The following RBMS3 variants were observed in gnomAD, a reference collection of about 807,000 sequenced individuals.
The protein encoded by RBMS3 is RNA-binding motif, single-stranded-interacting protein 3.
Under a neutral mutation model 66.8 loss-of-function variants are expected in RBMS3, and 27 were observed. The observed-to-expected ratio is 0.40, with a 90% CI of 0.30 to 0.56. The LOEUF is 0.56. Among genes scored for constraint, RBMS3 ranks in the 20% least tolerant of loss-of-function variants. The probability of loss-of-function intolerance (pLI) is 0.40; values close to 1 mark genes in which losing one functional copy is unlikely to be tolerated. For synonymous variants in RBMS3, 188 were observed against 183.0 expected (o/e 1.03, Z -0.22); for missense variants, 513 against 549.5 (o/e 0.93, Z 0.66).
At chr3:29,896,008 T>G (rs2149600709) in intron 8 of RBMS3, among the ~76,000 whole-genome samples, 1 of 151,536 alleles carries the variant, frequency 6.6e-6, no homozygotes, top group Non-Finnish European at 1.5e-5. Flanking sequence ...GTCTGGTGAG[T>G]ATGGATAGTA....
chr3:29,483,309 C>CAAAAAAAAAA (rs72225547), intron 2 of RBMS3, among the ~76,000 whole-genome samples: 2 of 75,612 alleles, frequency 2.6e-5, no homozygotes, highest in African/African-American at 3.9e-5. Flanking sequence ...TTCGTCTTAA[C>CAAAAAAAAAA]AAAAAAAAAA....
At chr3:29,389,571 A>G (rs1166513268) in intron 1 of RBMS3, among the ~76,000 whole-genome samples, 2 of 152,218 alleles carry the variant, frequency 1.3e-5, no homozygotes, top group African/African-American at 2.4e-5. Flanking sequence ...CCCACTCACT[A>G]TCTTGATTCA....
At chr3:29,329,184 G>T (rs1575555124) in intron 1 of RBMS3, among the ~76,000 whole-genome samples, 2 of 152,012 alleles carry the variant, frequency 1.3e-5, no homozygotes, top group South Asian at 2.1e-4. Context: ...TCTCCAGTTG[G>T]TTTTTTGTGT....
intron 5 of RBMS3, among the ~76,000 whole-genome samples, chr3:29,760,034 A>G (rs555011320): frequency 1.7e-4 from 26 of 152,014 alleles, no homozygotes; most frequent in Non-Finnish European, 3.7e-4. Context: ...AAAGTGAACA[A>G]TCTACTCTGC....
At chr3:29,505,334 T>G (rs1470304535) in intron 3 of RBMS3, among the ~76,000 whole-genome samples, 1 of 151,976 alleles carries the variant, frequency 6.6e-6, no homozygotes, top group Non-Finnish European at 1.5e-5. Context: ...TCTTGTGTAT[T>G]CTCAGTACCT....
intron 1 of RBMS3, among the ~76,000 whole-genome samples, chr3:29,433,435 A>G (rs1259569615): frequency 1.3e-5 from 2 of 152,214 alleles, no homozygotes; most frequent in African/African-American, 2.4e-5. Context: ...ATATAGGTTG[A>G]TATTACTACA....
At chr3:29,943,341 C>A (rs2061436040) in intron 11 of RBMS3, among the ~76,000 whole-genome samples, 1 of 151,868 alleles carries the variant, frequency 6.6e-6, no homozygotes, top group African/African-American at 2.4e-5. Context: ...GGAGTGGGGA[C>A]AAAATTAGAA....
intron 2 of RBMS3, among the ~76,000 whole-genome samples, chr3:29,457,338 G>A (rs1469760949): frequency 6.6e-6 from 1 of 151,978 alleles, no homozygotes. Flanking sequence ...TCTAATAAAG[G>A]CCCATCAATC....
intron 1 of RBMS3, among the ~76,000 whole-genome samples, chr3:29,287,526 G>T (rs1411001598): frequency 1.3e-5 from 2 of 151,966 alleles, no homozygotes; most frequent in African/African-American, 4.8e-5. Context: ...GAAATATGAT[G>T]CTCTTCAGTG....
intron 12 of RBMS3, among the ~76,000 whole-genome samples, chr3:29,986,816 AC>A (rs1698421718): frequency 6.6e-6 from 1 of 152,070 alleles, no homozygotes; most frequent in South Asian, 2.1e-4. Context: ...GGTGGCACAC[AC>A]CTGTACTCTC....
chr3:29,298,526 C>T (rs2033446726), intron 1 of RBMS3, among the ~76,000 whole-genome samples: 1 of 151,792 alleles, frequency 6.6e-6, no homozygotes, highest in South Asian at 2.1e-4. Context: ...AATAATGTTT[C>T]ACTTTCAATT....
intron 5 of RBMS3, among the ~76,000 whole-genome samples, chr3:29,747,667 G>C (rs1415898506): frequency 6.6e-6 from 1 of 152,168 alleles, no homozygotes; most frequent in Non-Finnish European, 1.5e-5. Context: ...TGGATACACT[G>C]AAGTGTGAAA....
At chr3:29,525,520 G>A (rs2045058882) in intron 3 of RBMS3, among the ~76,000 whole-genome samples, 2 of 152,178 alleles carry the variant, frequency 1.3e-5, no homozygotes, top group Admixed American at 1.3e-4. Flanking sequence ...AAATCTTGCA[G>A]CTTATTAAAA....
intron 4 of RBMS3, among the ~76,000 whole-genome samples, chr3:29,713,187 A>C (rs995641734): frequency 1.3e-5 from 2 of 152,002 alleles, no homozygotes; most frequent in African/African-American, 2.4e-5. Context: ...GTTCAATTGC[A>C]TGAAATTTCT....
intron 4 of RBMS3, among the ~76,000 whole-genome samples, chr3:29,645,163 A>C (rs1000554966): frequency 6.6e-6 from 1 of 152,200 alleles, no homozygotes; most frequent in African/African-American, 2.4e-5. Flanking sequence ...AGGAGATGCA[A>C]AAAAAGAGGC....
intron 6 of RBMS3, among the ~76,000 whole-genome samples, chr3:29,857,578 A>G (rs939282444): frequency 2.8e-5 from 4 of 142,442 alleles, no homozygotes; most frequent in African/African-American, 1.1e-4. Context: ...AAAAAAAAAA[A>G]GGTTGTGCCC....
At chr3:29,877,193 G>A (rs774783819) in intron 7 of RBMS3, among the ~76,000 whole-genome samples, 1 of 152,164 alleles carries the variant, frequency 6.6e-6, no homozygotes, top group South Asian at 2.1e-4. Context: ...GAATCACCAG[G>A]AAATAAATAA....
chr3:29,481,813 G>A (rs555868264), intron 2 of RBMS3, among the ~76,000 whole-genome samples: 5 of 152,322 alleles, frequency 3.3e-5, no homozygotes, highest in South Asian at 2.1e-4. Context: ...ACTAGTGTCT[G>A]AGTTATTATT....
At chr3:29,566,416 T>C (rs1243169481) in intron 3 of RBMS3, among the ~76,000 whole-genome samples, 1 of 152,084 alleles carries the variant, frequency 6.6e-6, no homozygotes, top group Non-Finnish European at 1.5e-5. Flanking sequence ...TGCAAATTGA[T>C]GTAAAAATTG....
Sources: gnomAD v4.1 joint callset for allele counts (sites outside exome capture counted in the v4.1 genomes callset) on GRCh38, gnomAD v4.1.1 for gene constraint, MANE v1.5 for transcripts, NCBI Gene and HGNC (gene_info 2026-07-23, HGNC 2026-07-21) for gene names.